RNF144A: variants seen among roughly 807,000 people sequenced by gnomAD.
RNF144A encodes ring finger protein 144A.
RNF144A carries 11 observed loss-of-function variants against 38.7 expected under a neutral mutation model. That is an observed-to-expected ratio of 0.28 (90% CI 0.18 to 0.47). The LOEUF (loss-of-function observed/expected upper bound fraction) is 0.47. Among genes scored for constraint, RNF144A ranks in the 20% least tolerant of loss-of-function variants. RNF144A has a pLI of 0.99. For missense variants in RNF144A, 316 were observed against 377.2 expected (o/e 0.84, Z 1.34); for synonymous variants, 149 against 143.9 (o/e 1.04, Z -0.25).
At chr2:6,923,093 C>A (rs994339324) in intron 1 of RNF144A, among the ~76,000 whole-genome samples, 3 of 152,156 alleles carry the variant, frequency 2.0e-5, no homozygotes, top group Non-Finnish European at 4.4e-5. Flanking sequence ...ACCACCTGCT[C>A]GACCCCTGCT....
intron 3 of RNF144A, among the ~76,000 whole-genome samples, chr2:7,011,338 C>T (rs958579898): frequency 1.3e-5 from 2 of 152,190 alleles, no homozygotes; most frequent in African/African-American, 4.8e-5. Context: ...AGTTAGTCCT[C>T]ATGTTGTATG....
chr2:7,059,965 T>C (rs574713163), intron 6 of RNF144A, among the ~76,000 whole-genome samples: 7 of 152,344 alleles, frequency 4.6e-5, no homozygotes, highest in Non-Finnish European at 8.8e-5. Context: ...AAGGGCTTGT[T>C]TGTGTAGCTG....
intron 2 of RNF144A, among the ~76,000 whole-genome samples, chr2:6,972,738 C>T (rs564999983): frequency 3.3e-5 from 5 of 152,186 alleles, no homozygotes; most frequent in Admixed American, 6.5e-5. Context: ...CCAAGGACTG[C>T]GGTTCTGTTC....
At chr2:6,940,546 AATTTTATTTTT>A (rs1287582000) in intron 1 of RNF144A, among the ~76,000 whole-genome samples, 2 of 150,694 alleles carry the variant, frequency 1.3e-5, no homozygotes, top group African/African-American at 4.9e-5. Context: ...ATCCTCTTTT[AATTTTATTTTT>A]ATTTTATTAT....
chr2:7,026,500 G>GTT lies in RNF144A; in HGVS notation c.657+1997_657+1998dup, dbSNP rs5829094. On this transcript the variant is annotated intron_variant, in intron 7 of 8. Transcript: ENST00000320892. ...TATTTTTGTATTTTACTGTATTCCAGTTTTTTTTTTTTTTGAAAACTGATC... is the reference window on the plus strand; with the variant it reads ...TATTTTTGTATTTTACTGTATTCCAGTTTTTTTTTTTTTTTTGAAAACTGATC... 4.2e-3 allele frequency among the ~76,000 whole-genome samples: 600 copies of GTT among 142,484 alleles called. 3 individuals are homozygous for GTT. Among genetic ancestry groups the GTT allele is most frequent in the South Asian group, 0.012 (52 of 4,512 alleles). The allele number at this position is 142,484 out of a possible 152,430, so 93.5% of individuals were successfully genotyped here. A position where few individuals can be genotyped will look rare whatever the true frequency, so the allele number is the denominator to read the frequency against.
At chr2:6,961,445 G>A (rs1178837779) in intron 2 of RNF144A, among the ~76,000 whole-genome samples, 1 of 151,730 alleles carries the variant, frequency 6.6e-6, no homozygotes, top group Non-Finnish European at 1.5e-5. Context: ...CCTGCACTGA[G>A]TGCCTTCTGT....
chr2:6,917,802 A>T lies in RNF144A; in HGVS notation c.-212+180A>T, dbSNP rs1664225944. Among the ~76,000 whole-genome samples the T allele has an allele frequency of 6.7e-6, 1 of 149,608 alleles. No homozygotes were observed. Among genetic ancestry groups the T allele is most frequent in the African/African-American group, 2.4e-5 (1 of 40,834 alleles). ...GCGGGGGGCAGCGTCCCGGGCGGGG[A>T]CTCGCGGGCTCCGTTCAGAGGACGC... On this transcript the variant is annotated intron_variant, in intron 1 of 8. Transcript: ENST00000320892. The surrounding 1 kb of genome is among the most constrained non-coding windows in gnomAD (Gnocchi z 4.8).
chr2:7,010,372 A>G (rs544425556), intron 3 of RNF144A, among the ~76,000 whole-genome samples: 45 of 152,258 alleles, frequency 3.0e-4, no homozygotes, highest in African/African-American at 1.0e-3. Flanking sequence ...TGCTGCTTCA[A>G]TTTGGACCTG....
chr2:6,985,502 G>A (rs542502832), intron 2 of RNF144A, among the ~76,000 whole-genome samples: 53 of 152,132 alleles, frequency 3.5e-4, no homozygotes, highest in Middle Eastern at 3.2e-3. Flanking sequence ...GCTTGTAAAT[G>A]TTGGCATAAG....
At chr2:7,017,785 G>A (rs569910494) in intron 5 of RNF144A, among the ~76,000 whole-genome samples, 12 of 152,222 alleles carry the variant, frequency 7.9e-5, no homozygotes, top group Admixed American at 4.6e-4. Context: ...AGACATCTAC[G>A]CCTCAGCCTG....
intron 8 of RNF144A, among the ~76,000 whole-genome samples, chr2:7,034,745 G>A (rs434382): frequency 0.56 from 85,867 of 152,078 alleles, 24,724 homozygotes; most frequent in South Asian, 0.85. Flanking sequence ...AGTGGCACCT[G>A]AATCAGACCA....
At chr2:6,933,271 TC>T (rs895898787) in intron 1 of RNF144A, 1 of 152,204 alleles carries the variant, frequency 6.6e-6, no homozygotes, top group African/African-American at 2.4e-5. Flanking sequence ...TTTGCTGTGA[TC>T]ACTAGTGGGC....
At chr2:7,070,932 G>GTTT (rs138072047), downstream of RNF144A, among the ~76,000 whole-genome samples, 3 of 123,042 alleles carry the variant, frequency 2.4e-5, no homozygotes, top group Admixed American at 8.4e-5. Flanking sequence ...GCTTTGCTGA[G>GTTT]TTTTTTTTTT....
chr2:6,970,481 A>G (rs1215449369), intron 2 of RNF144A, among the ~76,000 whole-genome samples: 1 of 152,186 alleles, frequency 6.6e-6, no homozygotes, highest in Non-Finnish European at 1.5e-5. Flanking sequence ...AGTCTCTGGT[A>G]TGTCTTTATG....
chr2:7,009,551 T>G (rs1670664438), intron 3 of RNF144A, among the ~76,000 whole-genome samples: 1 of 151,224 alleles, frequency 6.6e-6, no homozygotes, highest in South Asian at 2.1e-4. Flanking sequence ...AAGAACCTTA[T>G]AAAAACAAAC....
chr2:7,056,680 C>T (rs1157739477), intron 6 of RNF144A, among the ~76,000 whole-genome samples: 2 of 152,142 alleles, frequency 1.3e-5, no homozygotes, highest in Non-Finnish European at 2.9e-5. Flanking sequence ...GTGTTCCCTC[C>T]CCTGTGTTAG....
intron 6 of RNF144A, among the ~76,000 whole-genome samples, chr2:7,022,798 C>G (rs573521346): frequency 5.3e-5 from 8 of 152,308 alleles, no homozygotes; most frequent in African/African-American, 1.9e-4. Flanking sequence ...GTGCTGGATC[C>G]CTCTGGAGAC....
chr2:6,995,598 T>C (rs1203414886), intron 2 of RNF144A, among the ~76,000 whole-genome samples: 1 of 152,186 alleles, frequency 6.6e-6, no homozygotes, highest in Non-Finnish European at 1.5e-5. Context: ...GCTGAAGAAC[T>C]TGGAGTCCGA....
chr2:7,021,023 GT>G (rs1558438918), intron 6 of RNF144A, among the ~76,000 whole-genome samples: 1 of 152,126 alleles, frequency 6.6e-6, no homozygotes, highest in African/African-American at 2.4e-5. Context: ...AGACTTCACT[GT>G]GTTGAAGGTG....
Sources: allele counts gnomAD v4.1 joint callset (sites outside exome capture counted in the v4.1 genomes callset), GRCh38; gene constraint gnomAD v4.1.1; non-coding constraint Gnocchi (gnomAD v3.1); transcripts MANE v1.5; gene names NCBI Gene and HGNC (gene_info 2026-07-23, HGNC 2026-07-21).